Variants in FRMD4A observed in about 807,000 individuals in gnomAD.
FRMD4A encodes the protein FERM domain containing 4A.
Under a neutral mutation model 129.1 loss-of-function variants are expected in FRMD4A, and 29 were observed. The ratio of observed to expected loss-of-function variants is 0.22; its 90% CI spans 0.17 to 0.31. The LOEUF (loss-of-function observed/expected upper bound fraction) is 0.31. FRMD4A is among the 10% of genes least tolerant of loss of function. The pLI is 1.00. For synonymous variants in FRMD4A, 634 were observed against 571.6 expected (o/e 1.11, Z -1.56); for missense variants, 1,272 against 1,375.8 (o/e 0.92, Z 1.19).
At chr10:14,220,399 G>A (rs565991400) in intron 2 of FRMD4A, among the ~76,000 whole-genome samples, 1 of 152,300 alleles carries the variant, frequency 6.6e-6, no homozygotes, top group East Asian at 1.9e-4. Context: ...GCACTTTGTG[G>A]TAAAAGCAGG....
At chr10:14,291,485 G>A (rs1845848581) in intron 2 of FRMD4A, among the ~76,000 whole-genome samples, 1 of 152,094 alleles carries the variant, frequency 6.6e-6, no homozygotes, top group African/African-American at 2.4e-5. Context: ...TTGATGCCAA[G>A]AATGCAAGGT....
intron 6 of FRMD4A, among the ~76,000 whole-genome samples, chr10:13,779,925 T>C (rs1249650105): frequency 1.3e-5 from 2 of 152,244 alleles, no homozygotes; most frequent in Non-Finnish European, 2.9e-5. Flanking sequence ...TTACTGTTAA[T>C]GAGCAGCCCT....
chr10:13,993,897 T>C (rs1003914751), intron 2 of FRMD4A, among the ~76,000 whole-genome samples: 4 of 152,070 alleles, frequency 2.6e-5, no homozygotes, highest in Non-Finnish European at 1.5e-5. Context: ...ATGCTGCAGC[T>C]GGAGGGCCTG....
intron 5 of FRMD4A, among the ~76,000 whole-genome samples, chr10:13,789,184 A>C (rs2092935709): frequency 6.6e-6 from 1 of 152,206 alleles, no homozygotes; most frequent in Non-Finnish European, 1.5e-5. Context: ...TGGGACACCT[A>C]GCTGAAATAT....
intron 2 of FRMD4A, among the ~76,000 whole-genome samples, chr10:13,985,816 G>A (rs746848223): frequency 2.0e-5 from 3 of 152,224 alleles, no homozygotes; most frequent in South Asian, 2.1e-4. Flanking sequence ...GCTCACTAGC[G>A]TACAGCCGCC....
At chr10:14,132,728 G>A (rs1381493666) in intron 2 of FRMD4A, among the ~76,000 whole-genome samples, 2 of 152,230 alleles carry the variant, frequency 1.3e-5, no homozygotes, top group African/African-American at 2.4e-5. Context: ...TGAGGATCAG[G>A]ACACATCATG....
At chr10:14,256,589 T>C (rs1288406429) in intron 2 of FRMD4A, among the ~76,000 whole-genome samples, 2 of 152,214 alleles carry the variant, frequency 1.3e-5, no homozygotes, top group African/African-American at 2.4e-5. Flanking sequence ...GGTCATTGAA[T>C]TGGCCCTAAC....
At chr10:13,787,239 C>T (rs1039860851) in intron 5 of FRMD4A, among the ~76,000 whole-genome samples, 2 of 152,186 alleles carry the variant, frequency 1.3e-5, no homozygotes, top group Admixed American at 6.5e-5. Context: ...GAGCTCCGGG[C>T]CTGTCATATC....
At chr10:14,240,350 T>A (rs1484366515) in intron 2 of FRMD4A, among the ~76,000 whole-genome samples, 1 of 152,198 alleles carries the variant, frequency 6.6e-6, no homozygotes, top group African/African-American at 2.4e-5. Flanking sequence ...TGCGTGACAT[T>A]TCTATCATGT....
intron 2 of FRMD4A, among the ~76,000 whole-genome samples, chr10:14,231,486 G>T (rs1396405004): frequency 6.6e-6 from 1 of 152,042 alleles, no homozygotes. Context: ...GGGACTACAG[G>T]CACTCACCAC....
At chr10:14,217,863 C>G (rs1843123856) in intron 2 of FRMD4A, among the ~76,000 whole-genome samples, 1 of 151,856 alleles carries the variant, frequency 6.6e-6, no homozygotes, top group Non-Finnish European at 1.5e-5. Flanking sequence ...CAGAGTCTCA[C>G]TCTGTCATCC....
At chr10:14,277,480 T>C (rs1480610054) in intron 2 of FRMD4A, among the ~76,000 whole-genome samples, 2 of 152,198 alleles carry the variant, frequency 1.3e-5, no homozygotes, top group African/African-American at 2.4e-5. Flanking sequence ...GTGCCACCTA[T>C]GAGCCAAAAA....
chr10:14,006,617 G>A (rs1239484106), intron 2 of FRMD4A, among the ~76,000 whole-genome samples: 1 of 152,032 alleles, frequency 6.6e-6, no homozygotes, highest in Non-Finnish European at 1.5e-5. Context: ...GCTCAATGTG[G>A]CCATTCACAC....
rs371999173 is a variant in FRMD4A, at chr10:13,799,250, C to T, written c.207-2662G>A. On this transcript the variant is annotated intron_variant, in intron 4 of 24. Coordinates refer to ENST00000357447, the MANE Select transcript of FRMD4A (RefSeq NM_018027.5). ...TAGTCTCATTGCAACCTCCGCCCTC[C>T]GGGTTCAAGTAATTCTCCTGCCTCA... is the stretch of plus-strand genomic sequence containing the variant. Among the ~76,000 whole-genome samples, 19 of 152,328 alleles carry T rather than the reference C, an allele frequency of 1.2e-4. No individual in the cohort carries two copies. The East Asian group carries it at 1.5e-3, about 12-fold the overall frequency.
chr10:14,169,132 T>C (rs940845125), intron 2 of FRMD4A, among the ~76,000 whole-genome samples: 9 of 114,872 alleles, frequency 7.8e-5, no homozygotes, highest in Admixed American at 7.1e-4. Flanking sequence ...CATAAAAATA[T>C]ACAATGTCTG....
At chr10:13,878,684 C>T (rs188917620) in intron 2 of FRMD4A, among the ~76,000 whole-genome samples, 205 of 151,760 alleles carry the variant, frequency 1.4e-3, no homozygotes, top group African/African-American at 3.7e-3. Flanking sequence ...ACCCGGGAGG[C>T]GGAGGTTGCA....
At chr10:13,655,236 TTA>T (rs1388554489) in intron 22 of FRMD4A, 2 of 152,192 alleles carry the variant, frequency 1.3e-5, no homozygotes, top group Non-Finnish European at 2.9e-5. Flanking sequence ...CTTAACAATT[TTA>T]GTCTAAAATA....
intron 2 of FRMD4A, among the ~76,000 whole-genome samples, chr10:13,982,293 G>C (rs1447086300): frequency 1.3e-5 from 2 of 151,982 alleles, no homozygotes; most frequent in Non-Finnish European, 2.9e-5. Context: ...AGGCCACCCT[G>C]GGCAACATAG....
intron 2 of FRMD4A, among the ~76,000 whole-genome samples, chr10:14,014,054 C>A (rs112645852): frequency 1.3e-5 from 2 of 152,138 alleles, no homozygotes; most frequent in Admixed American, 1.3e-4. Flanking sequence ...GTGAAGACAG[C>A]GCAGTGAGTA....
Sources: gnomAD v4.1 joint callset for allele counts (sites outside exome capture counted in the v4.1 genomes callset) on GRCh38, gnomAD v4.1.1 for gene constraint, MANE v1.5 for transcripts, NCBI Gene and HGNC (gene_info 2026-07-23, HGNC 2026-07-21) for gene names.